The following CTBP2 variants were observed in gnomAD, a reference collection of about 807,000 sequenced individuals.
CTBP2 encodes C-terminal binding protein 2.
In CTBP2, 30 loss-of-function variants were observed where a neutral mutation model predicts 80.3. The ratio of observed to expected loss-of-function variants is 0.37; its 90% CI spans 0.28 to 0.51. The LOEUF (loss-of-function observed/expected upper bound fraction) is 0.51, where lower values mean the gene tolerates loss of function less well. CTBP2 is among the 20% of genes least tolerant of loss of function. The pLI is 0.93. For synonymous variants in CTBP2, 594 were observed against 587.4 expected (o/e 1.01, Z -0.16); for missense variants, 1,212 against 1,375.3 (o/e 0.88, Z 1.88).
At position 125,014,579 on chromosome 10, in the gene CTBP2, G is replaced by C. The variant is rs73375117; in HGVS notation, c.1679-11087C>G. On this transcript the variant is annotated intron_variant, in intron 1 of 8. Coordinates refer to ENST00000309035, the MANE Select transcript of CTBP2 (RefSeq NM_022802.3). ...ACACGAGGTTGACCTTCCTTACGGG[G>C]AGCAACCTCTTGGCGGCCTCCTGGC... 5.9e-3 allele frequency among the ~76,000 whole-genome samples: 899 copies of C among 152,350 alleles called. 10 individuals are homozygous for C. The highest frequency in any genetic ancestry group is 0.02 in the African/African-American group (837 of 41,580).
chr10:125,002,926 C>A (rs774780122), intron 3 of CTBP2, 34 bp downstream of exon 5: 3 of 1,608,744 alleles, frequency 1.9e-6, no homozygotes, highest in Non-Finnish European at 2.5e-6. Flanking sequence ...GAGCTCCGGA[C>A]AACTCCAGGC....
At chr10:125,097,993 C>T (rs553934207) in intron 2 of CTBP2, among the ~76,000 whole-genome samples, 36 of 152,080 alleles carry the variant, frequency 2.4e-4, no homozygotes, top group South Asian at 8.3e-4. Context: ...TGGCGGCGGG[C>T]GCCTGTAGTC....
In CTBP2 at chr10:125,066,245, G is replaced by A. The variant is rs1396952304; in HGVS notation, c.-101-27090C>T. On this transcript the variant is annotated intron_variant, in intron 2 of 10. Transcript: ENST00000337195. The surrounding 1 kb of genome is among the most constrained non-coding windows in gnomAD (Gnocchi z 4.1). ...ACATGGCGATGGCTAGGCACAGGCA[G>A]CCACCCCTCTACCAAGCCACATCCC... Among the ~76,000 whole-genome samples the A allele has an allele frequency of 1.3e-5, 2 of 152,040 alleles. No individual in the cohort carries two copies. Among genetic ancestry groups the A allele is most frequent in the Non-Finnish European group, 2.9e-5 (2 of 68,010 alleles).
chr10:125,073,885 G>A (rs530858641), intron 2 of CTBP2, among the ~76,000 whole-genome samples: 87 of 152,314 alleles, frequency 5.7e-4, no homozygotes, highest in South Asian at 2.9e-3. Context: ...GAGTCTGTCT[G>A]ATGTCATCTT....
intron 3 of CTBP2, among the ~76,000 whole-genome samples, chr10:125,035,203 A>C (rs1031497620): frequency 6.6e-6 from 1 of 152,194 alleles, no homozygotes; most frequent in African/African-American, 2.4e-5. Flanking sequence ...CTTTCTAACT[A>C]TCTATGTGTT....
intron 1 of CTBP2, among the ~76,000 whole-genome samples, chr10:125,135,466 C>A (rs1349553232): frequency 6.6e-6 from 1 of 152,168 alleles, no homozygotes; most frequent in Non-Finnish European, 1.5e-5. Context: ...CTGGGCTGAT[C>A]CCCCACCCAG....
At position 125,027,071 on chromosome 10, in the gene CTBP2, G is replaced by A. The variant is rs570334092; in HGVS notation, c.689C>T (p.Thr230Met). 21 of 1,612,220 alleles carry A rather than the reference G, an allele frequency of 1.3e-5. No homozygotes were observed. Among genetic ancestry groups the A allele is most frequent in the East Asian group, 1.1e-4 (5 of 44,852 alleles). Residue 230 changes from threonine to methionine, a missense_variant, in exon 1 of 9, where the codon ACG becomes ATG. Thr to Met is a moderately conservative substitution (Grantham distance 81). Around this residue, in one of 3 missense-constraint regions of CTBP2, gnomAD observed 848 missense variants for 782.3 expected, o/e 1.08. Transcript: ENST00000309035. ...TGAACTGGGGTCCACAACCAGGCAC[G>A]TCGGGGCCACCTGTCTGGCAGGGGC...
Position 125,129,478 on chromosome 10 carries a change from C to T in CTBP2, c.-205-18385G>A, listed in dbSNP as rs7080602. On this transcript the variant is annotated intron_variant, in intron 1 of 10. Coordinates refer to the CTBP2 transcript ENST00000337195. ...AACCACAAACAGGTTGACCTTAGGT[C>T]ATGAGACCCGTGCTCCAGGTGAAGA... 1.9e-3 allele frequency among the ~76,000 whole-genome samples: 285 copies of T among 152,244 alleles called. 1 individual carries two copies. Among genetic ancestry groups the T allele is most frequent in the African/African-American group, 6.6e-3 (274 of 41,532 alleles).
intron 4 of CTBP2, among the ~76,000 whole-genome samples, chr10:124,995,113 A>G (rs1953294326): frequency 6.6e-6 from 1 of 152,192 alleles, no homozygotes; most frequent in Non-Finnish European, 1.5e-5. Flanking sequence ...TCAATGTCAC[A>G]GGGAGTAATG....
At chr10:125,134,811 C>G (rs1444446989) in intron 1 of CTBP2, among the ~76,000 whole-genome samples, 1 of 147,500 alleles carries the variant, frequency 6.8e-6, no homozygotes, top group Non-Finnish European at 1.5e-5. Context: ...GCCTTTCCCT[C>G]CCAGCCTGGA....
chr10:125,104,611 C>T (rs559937670), intron 2 of CTBP2, among the ~76,000 whole-genome samples: 1 of 152,310 alleles, frequency 6.6e-6, no homozygotes, highest in South Asian at 2.1e-4. Flanking sequence ...CATGTATTAC[C>T]CGTGTGCTCA....
At chr10:125,159,452 C>T (rs1861556141) in intron 1 of CTBP2, among the ~76,000 whole-genome samples, 1 of 145,930 alleles carries the variant, frequency 6.9e-6, no homozygotes, top group South Asian at 2.1e-4. Context: ...CCCAGGCCCC[C>T]CGCCCCGCCG....
intron 1 of CTBP2, among the ~76,000 whole-genome samples, chr10:125,139,795 G>A (rs1440634381): frequency 6.6e-6 from 1 of 152,168 alleles, no homozygotes; most frequent in Non-Finnish European, 1.5e-5. Context: ...GACACCATGA[G>A]GCCTTGTGGC....
chr10:124,985,052 T>C lies in CTBP2; in HGVS notation c.*4466A>G. The C allele has an allele frequency of 3.7e-6, 5 of 1,337,858 alleles. No individual in the cohort carries two copies. Among genetic ancestry groups the C allele is most frequent in the Non-Finnish European group, 5.2e-6 (5 of 959,182 alleles). The allele number at this position is 1,337,858 out of a possible 1,614,324, so 82.9% of individuals were successfully genotyped here. On this transcript the variant is annotated 3_prime_UTR_variant, in exon 9 of 9. Transcript: ENST00000309035. Reference sequence around the variant, plus strand: ...AGATCTGTAATGACCCTAAAGTTAGTGTGGTGCTCCAAGCAGAGTCGACAT... The same window carrying C: ...AGATCTGTAATGACCCTAAAGTTAGCGTGGTGCTCCAAGCAGAGTCGACAT...
chr10:125,049,229 T>C (rs1962117703), intron 2 of CTBP2, among the ~76,000 whole-genome samples: 1 of 152,192 alleles, frequency 6.6e-6, no homozygotes, highest in South Asian at 2.1e-4. Flanking sequence ...TGTAGCCCAC[T>C]AATGCCCCAC....
At chr10:125,083,367 G>A (rs1238013103) in intron 2 of CTBP2, among the ~76,000 whole-genome samples, 1 of 152,116 alleles carries the variant, frequency 6.6e-6, no homozygotes, top group Non-Finnish European at 1.5e-5. Flanking sequence ...TGAAAACAGA[G>A]GCCCATTCCA....
intron 2 of CTBP2, among the ~76,000 whole-genome samples, chr10:125,103,382 C>T (rs1025360512): frequency 5.3e-5 from 8 of 152,162 alleles, no homozygotes; most frequent in Admixed American, 1.3e-4. Flanking sequence ...CAGGGAGCTG[C>T]GGAAATCACT....
At chr10:125,079,624 G>A (rs1009825512) in intron 2 of CTBP2, among the ~76,000 whole-genome samples, 22 of 152,186 alleles carry the variant, frequency 1.4e-4, no homozygotes, top group Non-Finnish European at 3.1e-4. Context: ...GCACTAGCAT[G>A]TCATTAATTA....
intron 2 of CTBP2, among the ~76,000 whole-genome samples, chr10:125,059,995 T>C (rs980121039): frequency 2.0e-5 from 3 of 152,218 alleles, no homozygotes; most frequent in African/African-American, 4.8e-5. Context: ...CACCTGAGCC[T>C]GCCCCACTGC....
Sources: allele counts gnomAD v4.1 joint callset (sites outside exome capture counted in the v4.1 genomes callset), GRCh38; gene constraint gnomAD v4.1.1; regional missense constraint gnomAD v4.1.1; non-coding constraint Gnocchi (gnomAD v3.1); transcripts MANE v1.5; gene names NCBI Gene and HGNC (gene_info 2026-07-23, HGNC 2026-07-21).